Variants in NKAIN2 observed in about 807,000 individuals in gnomAD.
NKAIN2 encodes sodium/potassium-transporting ATPase subunit beta-1-interacting protein 2.
Under a neutral mutation model 32.6 loss-of-function variants are expected in NKAIN2, and 14 were observed. The ratio of observed to expected loss-of-function variants is 0.43; its 90% CI spans 0.28 to 0.67. NKAIN2 has a LOEUF of 0.67. Among genes scored for constraint, NKAIN2 ranks in the 30% least tolerant of loss-of-function variants. The pLI is 0.17. For synonymous variants in NKAIN2, 80 were observed against 87.2 expected (o/e 0.92, Z 0.46); for missense variants, 198 against 258.3 (o/e 0.77, Z 1.60).
intron 1 of NKAIN2, among the ~76,000 whole-genome samples, chr6:124,205,067 A>T (rs1790795103): frequency 6.6e-6 from 1 of 151,794 alleles, no homozygotes; most frequent in South Asian, 2.1e-4. Flanking sequence ...AAACAAACAA[A>T]AAGAAAGAAA....
intron 1 of NKAIN2, among the ~76,000 whole-genome samples, chr6:123,990,963 T>C (rs1014282189): frequency 2.6e-5 from 4 of 152,208 alleles, no homozygotes; most frequent in African/African-American, 9.6e-5. Context: ...GGATTTCAAA[T>C]AGTAAAATAA....
chr6:124,520,051 G>A (rs1779064742), intron 3 of NKAIN2, among the ~76,000 whole-genome samples: 2 of 152,086 alleles, frequency 1.3e-5, no homozygotes, highest in South Asian at 4.2e-4. Flanking sequence ...AAGTATCAAG[G>A]CACAGATGCA....
At chr6:124,561,143 A>T (rs747319363) in intron 3 of NKAIN2, among the ~76,000 whole-genome samples, 5 of 152,216 alleles carry the variant, frequency 3.3e-5, no homozygotes, top group African/African-American at 9.6e-5. Context: ...TGAGGGGAAA[A>T]GTCCGAAGCA....
At chr6:124,401,799 G>A (rs6940042) in intron 3 of NKAIN2, among the ~76,000 whole-genome samples, 9,029 of 151,870 alleles carry the variant, frequency 0.059, 756 homozygotes, top group African/African-American at 0.19. Flanking sequence ...TATAAAATCT[G>A]GTTTTGAACT....
chr6:124,093,266 C>T (rs544895271), intron 1 of NKAIN2, among the ~76,000 whole-genome samples: 57 of 152,144 alleles, frequency 3.7e-4, no homozygotes, highest in African/African-American at 1.3e-3. Context: ...TCTGCAGTTA[C>T]GGAGAATCAG....
intron 1 of NKAIN2, among the ~76,000 whole-genome samples, chr6:123,855,887 T>C (rs1775537843): frequency 6.6e-6 from 1 of 152,216 alleles, no homozygotes; most frequent in African/African-American, 2.4e-5. Flanking sequence ...AGGTTGGCCT[T>C]ATTACTTGTA....
At chr6:124,043,325 C>T (rs1307762439) in intron 1 of NKAIN2, among the ~76,000 whole-genome samples, 2 of 152,018 alleles carry the variant, frequency 1.3e-5, no homozygotes, top group Non-Finnish European at 2.9e-5. Flanking sequence ...CAGAGTGAAA[C>T]TCTGTCTCAA....
At chr6:124,801,434 G>A (rs190294697) in intron 5 of NKAIN2, among the ~76,000 whole-genome samples, 3 of 152,160 alleles carry the variant, frequency 2.0e-5, no homozygotes, top group Non-Finnish European at 4.4e-5. Context: ...AAATTGACTT[G>A]CTCAAAGTTA....
intron 1 of NKAIN2, among the ~76,000 whole-genome samples, chr6:124,254,034 C>T (rs1271977255): frequency 6.6e-6 from 1 of 151,088 alleles, no homozygotes; most frequent in Non-Finnish European, 1.5e-5. Flanking sequence ...CCAAGATGGT[C>T]TCGTTCTCTT....
chr6:124,122,752 A>T (rs1040845796), intron 1 of NKAIN2, among the ~76,000 whole-genome samples: 4 of 152,128 alleles, frequency 2.6e-5, no homozygotes, highest in African/African-American at 7.2e-5. Context: ...GTTTAATAAG[A>T]TAGTCCAAAT....
intron 1 of NKAIN2, among the ~76,000 whole-genome samples, chr6:123,963,629 A>G (rs1396769618): frequency 1.3e-5 from 2 of 152,254 alleles, no homozygotes; most frequent in African/African-American, 4.8e-5. Flanking sequence ...AAATTGCAAC[A>G]TAGTAAACAT....
At chr6:124,576,698 C>A (rs1300285358) in intron 3 of NKAIN2, among the ~76,000 whole-genome samples, 2 of 151,732 alleles carry the variant, frequency 1.3e-5, no homozygotes, top group African/African-American at 2.4e-5. Context: ...TAAAAAAAAA[C>A]AATGAAAAGT....
chr6:124,506,604 G>A (rs1224437429), intron 3 of NKAIN2, among the ~76,000 whole-genome samples: 1 of 152,110 alleles, frequency 6.6e-6, no homozygotes, highest in Non-Finnish European at 1.5e-5. Flanking sequence ...ACAATTGCAA[G>A]TGGAAACTTT....
At chr6:124,288,314 C>T (rs1038880614) in intron 2 of NKAIN2, among the ~76,000 whole-genome samples, 16 of 152,174 alleles carry the variant, frequency 1.1e-4, no homozygotes, top group African/African-American at 3.9e-4. Context: ...AGGCACAGTT[C>T]AGAGACCCAA....
At chr6:124,797,786 G>A (rs553186085) in intron 5 of NKAIN2, among the ~76,000 whole-genome samples, 4 of 152,078 alleles carry the variant, frequency 2.6e-5, no homozygotes, top group East Asian at 1.9e-4. Flanking sequence ...GCACAATCGC[G>A]TACTCTCAAC....
intron 1 of NKAIN2, among the ~76,000 whole-genome samples, chr6:124,073,043 T>A (rs943230758): frequency 1.3e-5 from 2 of 152,220 alleles, no homozygotes; most frequent in Admixed American, 6.5e-5. Context: ...GATGATTTAG[T>A]CCTGTTGGAA....
intron 1 of NKAIN2, among the ~76,000 whole-genome samples, chr6:123,813,087 G>A (rs990994562): frequency 2.6e-5 from 4 of 152,228 alleles, no homozygotes; most frequent in African/African-American, 9.6e-5. Flanking sequence ...ATACAAGGTG[G>A]ATCACCCAGA....
At chr6:124,367,185 A>G (rs2875816) in intron 3 of NKAIN2, among the ~76,000 whole-genome samples, 48,747 of 152,002 alleles carry the variant, frequency 0.32, 8,691 homozygotes, top group South Asian at 0.46. Context: ...CCCATTTGAT[A>G]CATCATAAAA....
At chr6:124,493,747 A>G (rs1352790714) in intron 3 of NKAIN2, among the ~76,000 whole-genome samples, 1 of 145,884 alleles carries the variant, frequency 6.9e-6, no homozygotes, top group South Asian at 2.2e-4. Context: ...AAAACAGTCA[A>G]CATCACCAAT....
Sources: allele counts gnomAD v4.1 joint callset (sites outside exome capture counted in the v4.1 genomes callset), GRCh38; gene constraint gnomAD v4.1.1; transcripts MANE v1.5; gene names NCBI Gene and HGNC (gene_info 2026-07-23, HGNC 2026-07-21).